DEPDC5: variants seen among roughly 807,000 people sequenced by gnomAD.
DEPDC5 encodes the protein GATOR1 complex protein DEPDC5.
DEPDC5 carries 73 observed loss-of-function variants against 217.3 expected under a neutral mutation model. The observed-to-expected ratio is 0.34, with a 90% confidence interval of 0.28 to 0.41. DEPDC5 has a LOEUF of 0.41. DEPDC5 is among the 10% of genes least tolerant of loss of function. The probability of loss-of-function intolerance (pLI) is 1.00; values close to 1 mark genes in which losing one functional copy is unlikely to be tolerated. For synonymous variants in DEPDC5, 733 were observed against 756.7 expected, an observed-to-expected ratio of 0.97 and a Z score of 0.51; for missense variants, 1,675 against 2,070.1, an observed-to-expected ratio of 0.81 and a Z score of 3.70.
Position 31,879,923 on chromosome 22 carries a change from C to T in DEPDC5, c.4033+171C>T, listed in dbSNP as rs2093129643. On this transcript the variant is annotated intron_variant, in intron 38 of 42. Coordinates refer to ENST00000651528, the MANE Select transcript of DEPDC5 (RefSeq NM_001242896.3). ...TGGCTCCGTTGCTGACTTCCACTTG[C>T]CGAGTGGTTTTATGACTGTCCCAAC... is the stretch of plus-strand genomic sequence containing the variant. 17 of 660,600 alleles carry T rather than the reference C, an allele frequency of 2.6e-5. No homozygotes were observed. In the East Asian group the frequency reaches 4.4e-4, roughly 17 times the overall value. The allele number at this position is 660,600 out of a possible 1,614,324, so 40.9% of individuals were successfully genotyped here. A position where few individuals can be genotyped will look rare whatever the true frequency, so the allele number is the denominator to read the frequency against.
chr22:31,815,009 A>G lies in DEPDC5; in HGVS notation c.1463A>G (p.Glu488Gly), dbSNP rs2088907747. Residue 488 changes from glutamate to glycine, a missense_variant, in exon 21 of 43, where the codon GAG (glutamate) becomes GGG (glycine). This residue lies in a region of DEPDC5 where 628 missense variants were observed against 762.1 expected (regional missense o/e 0.82). Coordinates refer to ENST00000651528, the MANE Select transcript of DEPDC5 (RefSeq NM_001242896.3). ...LTTCRSVRER[E>G]SHSRKSASSC... is the part of the protein sequence containing the mutation. Reference sequence around the variant, plus strand: ...CCTGGCAGATCTGTGCGAGAGCGAGAGAGTCACAGTCGAAAGAGTGCCAGC... The same window carrying G: ...CCTGGCAGATCTGTGCGAGAGCGAGGGAGTCACAGTCGAAAGAGTGCCAGC... The G allele has an allele frequency of 1.2e-6, 2 of 1,613,982 alleles. No individual in the cohort carries two copies. Among genetic ancestry groups the G allele is most frequent in the Non-Finnish European group, 8.5e-7 (1 of 1,179,980 alleles).
rs139539147 is a variant in DEPDC5 at position 31,778,035 on chromosome 22, A to T, written c.414-64A>T. 792 of 1,573,492 alleles carry T rather than the reference A, an allele frequency of 5.0e-4. 7 individuals are homozygous for T. In the East Asian group the frequency reaches 7.6e-3, roughly 15 times the overall value. ...AGTGCTGGGATTACAGGCGTGAGCT[A>T]TTGCACCAGGCATGTATTGGTTTCA... is the stretch of plus-strand genomic sequence containing the variant. On this transcript the variant is annotated intron_variant, in intron 7 of 42. Transcript: ENST00000651528.
intron 33 of DEPDC5, among the ~76,000 whole-genome samples, chr22:31,863,862 G>T (rs1056454578): frequency 6.6e-6 from 1 of 151,762 alleles, no homozygotes; most frequent in Non-Finnish European, 1.5e-5. Flanking sequence ...AGCAGAGGTT[G>T]CAGTGAGCCG....
At chr22:31,876,629 C>A (rs1303137302) in intron 37 of DEPDC5, among the ~76,000 whole-genome samples, 1 of 152,132 alleles carries the variant, frequency 6.6e-6, no homozygotes, top group African/African-American at 2.4e-5. Context: ...GGGCTCCAGT[C>A]TGTGATTTAT....
intron 22 of DEPDC5, among the ~76,000 whole-genome samples, chr22:31,821,044 C>G (rs1463209022): frequency 6.6e-6 from 1 of 152,206 alleles, no homozygotes; most frequent in Non-Finnish European, 1.5e-5. Flanking sequence ...ATTTTGTAGA[C>G]TTGACTAATT....
chr22:31,861,390 TTG>T lies in DEPDC5; in HGVS notation c.3289_3290del (p.Val1097ProfsTer63), dbSNP rs2149153220. The T allele has an allele frequency of 6.4e-7, 1 of 1,551,636 alleles. No homozygotes were observed. Among genetic ancestry groups the T allele is most frequent in the East Asian group, 2.4e-5 (1 of 40,914 alleles). ...CAGGACGGGGCCTTCTTTATGGAGT[TTG>T]TCCGCAGCCCACGCACAGCATCGTC... On this transcript the variant is annotated frameshift_variant, in exon 33 of 43. Coordinates refer to ENST00000651528, the MANE Select transcript of DEPDC5 (RefSeq NM_001242896.3). LOFTEE classifies it high-confidence loss of function.
At chr22:31,870,878 G>A in intron 34 of DEPDC5, 134 bp downstream of exon 34, 1 of 1,005,130 alleles carries the variant, frequency 9.9e-7, no homozygotes, top group Non-Finnish European at 1.4e-6. Flanking sequence ...CCCTGGGCAA[G>A]TTAGTCCTTA....
chr22:31,818,242 G>C (rs777610573), intron 21 of DEPDC5, among the ~76,000 whole-genome samples: 2 of 152,092 alleles, frequency 1.3e-5, no homozygotes, highest in Non-Finnish European at 2.9e-5. Context: ...GTCAAGGCTG[G>C]AGGCATCCAT....
chr22:31,807,132 G>C lies in DEPDC5; in HGVS notation c.1287+941G>C, dbSNP rs542845108. Among the ~76,000 whole-genome samples the C allele has an allele frequency of 5.3e-5, 8 of 152,282 alleles. No individual in the cohort carries two copies. The East Asian group carries it at 1.4e-3, about 26-fold the overall frequency. On this transcript the variant is annotated intron_variant, in intron 18 of 42. Transcript: ENST00000651528. Reference sequence around the variant, plus strand: ...TTATATCACATGCTACAAAAAGTGTGGTGAAATTGACACTTGAGTACCTGG... The same window carrying C: ...TTATATCACATGCTACAAAAAGTGTCGTGAAATTGACACTTGAGTACCTGG...
At chr22:31,812,624 C>T (rs1186697781) in intron 20 of DEPDC5, among the ~76,000 whole-genome samples, 1 of 146,836 alleles carries the variant, frequency 6.8e-6, no homozygotes, top group Non-Finnish European at 1.5e-5. Context: ...CGGGGTTTCA[C>T]CGTGTTAGCC....
At chr22:31,777,650 A>T (rs2084014610) in intron 7 of DEPDC5, among the ~76,000 whole-genome samples, 1 of 152,096 alleles carries the variant, frequency 6.6e-6, no homozygotes, top group South Asian at 2.1e-4. Context: ...TATATTGGAT[A>T]ATCTGTTCAC....
rs200547310 is a variant in DEPDC5, at chr22:31,797,645, C to T, written c.813C>T (p.Leu271=). Residue 271 remains leucine (L), a synonymous_variant, in exon 13 of 43, where the codon CTC becomes CTT. Coordinates refer to ENST00000651528, the MANE Select transcript of DEPDC5 (RefSeq NM_001242896.3). ...GAAGAGAAGAATGGACTTCACTTCT[C>T]GTAACCATTAAAAAACTCTTCATCC... ...NERREEWTSL[L]VTIKKLFIQY... 51 of 1,614,008 alleles carry T rather than the reference C, an allele frequency of 3.2e-5. No homozygotes were observed. Among genetic ancestry groups the T allele is most frequent in the Non-Finnish European group, 3.5e-5 (41 of 1,179,946 alleles).
intron 40 of DEPDC5, among the ~76,000 whole-genome samples, chr22:31,899,446 T>C (rs1602929959): frequency 6.6e-6 from 1 of 152,140 alleles, no homozygotes. Flanking sequence ...TGGAGTGCAG[T>C]GGCGTGATGT....
intron 25 of DEPDC5, among the ~76,000 whole-genome samples, chr22:31,836,195 G>A (rs999505829): frequency 2.0e-5 from 3 of 152,246 alleles, no homozygotes; most frequent in African/African-American, 7.2e-5. Flanking sequence ...GGTTTTCACA[G>A]CTAGGGGATG....
chr22:31,798,486 C>A, intron 13 of DEPDC5, 96 bp from the exon 14 acceptor site: 1 of 1,079,878 alleles, frequency 9.3e-7, no homozygotes, highest in East Asian at 3.4e-5. Context: ...CTGCTCCACT[C>A]CAGCCTGGGT....
chr22:31,845,283 G>C, intron 30 of DEPDC5, 46 bp downstream of exon 30: 1 of 1,577,056 alleles, frequency 6.3e-7, no homozygotes. Context: ...GTGAGATGCA[G>C]GGCCTGCCAC....
Position 31,764,972 on chromosome 22 carries a change from T to C in DEPDC5, c.194-3T>C, listed in dbSNP as rs749093030. Reference sequence around the variant, plus strand: ...TCTGAGCCAGATATTGTTTCTGTTTTAGAAACTATCAGTGTGGACCAGACT... The same window carrying C: ...TCTGAGCCAGATATTGTTTCTGTTTCAGAAACTATCAGTGTGGACCAGACT... On this transcript the variant is annotated splice_region_variant and splice_polypyrimidine_tract_variant and intron_variant, in intron 4 of 42. Coordinates refer to ENST00000651528, the MANE Select transcript of DEPDC5 (RefSeq NM_001242896.3). 1.1e-5 allele frequency: 18 copies of C among 1,611,434 alleles called. No homozygotes were observed. The highest frequency in any genetic ancestry group is 1.7e-4 in the Middle Eastern group (1 of 6,056).
At chr22:31,784,710 G>A in intron 9 of DEPDC5, 104 bp from the exon 10 acceptor site, 1 of 1,070,398 alleles carries the variant, frequency 9.3e-7, no homozygotes, top group Non-Finnish European at 1.4e-6. Context: ...TTAGGGAATT[G>A]CTTAGAGAAG....
Position 31,876,348 on chromosome 22 carries a change from G to C in DEPDC5, c.3805+83G>C, listed in dbSNP as rs1479257746. 1.3e-5 allele frequency: 13 copies of C among 1,024,276 alleles called. No homozygotes were observed. The Admixed American group carries it at 2.6e-4, about 20-fold the overall frequency. 63.4% of individuals were successfully genotyped at this position (1,024,276 alleles called of 1,614,324 possible). ...GCTCTTTCACATGATGGTGCTTCCT[G>C]AGCTGCATGTGTGACTTTGTATTAT... On this transcript the variant is annotated intron_variant, in intron 37 of 42. Transcript: ENST00000651528.
Sources: gnomAD v4.1 joint callset for allele counts (sites outside exome capture counted in the v4.1 genomes callset) on GRCh38, gnomAD v4.1.1 for gene constraint, gnomAD v4.1.1 regional missense constraint, MANE v1.5 for transcripts, NCBI Gene and HGNC (gene_info 2026-07-23, HGNC 2026-07-21) for gene names.